The following CCSER1 variants were observed in gnomAD, a reference collection of about 807,000 sequenced individuals.
CCSER1 encodes the protein serine-rich coiled-coil domain-containing protein 1.
Under a neutral mutation model 82.0 loss-of-function variants are expected in CCSER1, and 41 were observed. That is an observed-to-expected ratio of 0.50 (90% CI 0.39 to 0.65). CCSER1 has a LOEUF of 0.65. Ranked by LOEUF, CCSER1 falls within the 30% of genes least tolerant of loss-of-function variation. The pLI is 0.00. For synonymous variants in CCSER1, 414 were observed against 383.9 expected, an observed-to-expected ratio of 1.08 and a Z score of -0.92; for missense variants, 1,119 against 1,064.2, an observed-to-expected ratio of 1.05 and a Z score of -0.72.
intron 7 of CCSER1, among the ~76,000 whole-genome samples, chr4:90,731,510 T>A: frequency 6.6e-6 from 1 of 152,164 alleles, no homozygotes; most frequent in East Asian, 1.9e-4. Flanking sequence ...ATAATTATGG[T>A]TTAGAAATAT....
intron 1 of CCSER1, among the ~76,000 whole-genome samples, chr4:90,169,406 A>C (rs1319228234): frequency 6.6e-6 from 1 of 152,088 alleles, no homozygotes; most frequent in Non-Finnish European, 1.5e-5. Flanking sequence ...TAGGTATACA[A>C]TCATGTCATC....
At chr4:90,326,987 G>A (rs1247211501) in intron 3 of CCSER1, among the ~76,000 whole-genome samples, 1 of 152,124 alleles carries the variant, frequency 6.6e-6, no homozygotes, top group Non-Finnish European at 1.5e-5. Flanking sequence ...TTTTTCATAA[G>A]CAATTCAGAC....
intron 8 of CCSER1, among the ~76,000 whole-genome samples, chr4:90,902,828 C>A (rs1438954245): frequency 4.6e-5 from 7 of 151,882 alleles, no homozygotes; most frequent in Non-Finnish European, 1.0e-4. Flanking sequence ...AAGCACCTGC[C>A]CTGACCAAGT....
At chr4:91,531,848 C>A (rs1367919083) in intron 10 of CCSER1, among the ~76,000 whole-genome samples, 1 of 152,136 alleles carries the variant, frequency 6.6e-6, no homozygotes, top group Non-Finnish European at 1.5e-5. Context: ...TCTTTAATGA[C>A]CCACCTCTTA....
At chr4:90,773,513 A>T (rs535009749) in intron 7 of CCSER1, among the ~76,000 whole-genome samples, 21 of 152,084 alleles carry the variant, frequency 1.4e-4, no homozygotes, top group Non-Finnish European at 2.4e-4. Flanking sequence ...TAGGTTTGTG[A>T]TTATTTTGTT....
intron 10 of CCSER1, among the ~76,000 whole-genome samples, chr4:91,259,482 T>C (rs910579006): frequency 6.6e-6 from 1 of 152,126 alleles, no homozygotes; most frequent in Non-Finnish European, 1.5e-5. Flanking sequence ...GGGGTACATG[T>C]GCAGAACATG....
chr4:90,134,318 A>G (rs919913409), intron 1 of CCSER1, among the ~76,000 whole-genome samples: 1 of 152,154 alleles, frequency 6.6e-6, no homozygotes, highest in African/African-American at 2.4e-5. Flanking sequence ...CCCAGCAGCA[A>G]TATCTGTGTA....
chr4:91,599,236 G>A lies in CCSER1; in HGVS notation c.*179G>A, dbSNP rs1764724825. 1.4e-6 allele frequency: 1 copy of A among 706,498 alleles called. No individual in the cohort carries two copies. The highest frequency in any genetic ancestry group is 2.8e-5 in the East Asian group (1 of 35,260). 43.8% of individuals were successfully genotyped at this position (706,498 alleles called of 1,614,324 possible). On this transcript the variant is annotated 3_prime_UTR_variant, in exon 11 of 11. Coordinates refer to ENST00000509176, the MANE Select transcript of CCSER1 (RefSeq NM_001145065.2). Reference sequence around the variant, plus strand: ...TTGTGGGTTTTTTTTTTCCAAGAGTGAAAGTTTGAGCATGTTAATTGAACT... The same window carrying A: ...TTGTGGGTTTTTTTTTTCCAAGAGTAAAAGTTTGAGCATGTTAATTGAACT...
chr4:91,389,661 C>T (rs1045797318), intron 10 of CCSER1, among the ~76,000 whole-genome samples: 2 of 151,754 alleles, frequency 1.3e-5, no homozygotes, highest in Non-Finnish European at 2.9e-5. Context: ...ATCTGTAGTT[C>T]AGGTTAATAA....
intron 4 of CCSER1, among the ~76,000 whole-genome samples, chr4:90,403,307 G>T (rs994947915): frequency 7.3e-5 from 11 of 151,212 alleles, no homozygotes; most frequent in East Asian, 3.9e-4. Context: ...AGACCATCCC[G>T]GCTAAAACGG....
intron 10 of CCSER1, among the ~76,000 whole-genome samples, chr4:91,570,206 C>T (rs1236568394): frequency 1.3e-5 from 2 of 152,154 alleles, no homozygotes; most frequent in Non-Finnish European, 2.9e-5. Flanking sequence ...CAGGGTCTAG[C>T]CCCAGTTCTG....
intron 10 of CCSER1, among the ~76,000 whole-genome samples, chr4:91,331,948 A>G (rs1192832649): frequency 3.9e-5 from 6 of 152,146 alleles, no homozygotes; most frequent in Admixed American, 3.9e-4. Context: ...TTTCATCACC[A>G]TCAAAATTAG....
At chr4:90,177,852 A>G (rs767526469) in intron 1 of CCSER1, among the ~76,000 whole-genome samples, 16 of 152,142 alleles carry the variant, frequency 1.1e-4, no homozygotes, top group Non-Finnish European at 2.1e-4. Flanking sequence ...GGCCTGCTTT[A>G]TTTACATGTT....
intron 6 of CCSER1, among the ~76,000 whole-genome samples, chr4:90,714,463 A>G (rs765137394): frequency 1.6e-4 from 24 of 151,760 alleles, no homozygotes; most frequent in Non-Finnish European, 2.9e-4. Context: ...AATATTTAAT[A>G]AGATAAATGA....
At chr4:90,403,663 A>G (rs372235958) in intron 4 of CCSER1, among the ~76,000 whole-genome samples, 3 of 152,198 alleles carry the variant, frequency 2.0e-5, no homozygotes, top group South Asian at 2.1e-4. Context: ...TGATATCATT[A>G]TATTCCACTG....
At chr4:90,208,110 C>T (rs868817522) in intron 1 of CCSER1, among the ~76,000 whole-genome samples, 2 of 152,086 alleles carry the variant, frequency 1.3e-5, no homozygotes, top group African/African-American at 4.8e-5. Context: ...CCACCCCTTC[C>T]CCCAGGTGCT....
At chr4:91,272,969 T>A (rs1024768142) in intron 10 of CCSER1, among the ~76,000 whole-genome samples, 7 of 152,152 alleles carry the variant, frequency 4.6e-5, no homozygotes, top group Admixed American at 4.6e-4. Flanking sequence ...TATTTTTATA[T>A]CAGTATCATG....
chr4:91,551,136 C>T (rs1023826246), intron 10 of CCSER1, among the ~76,000 whole-genome samples: 1 of 151,684 alleles, frequency 6.6e-6, no homozygotes, highest in Non-Finnish European at 1.5e-5. Context: ...TTTAGGGAAG[C>T]AATAAGTAAA....
chr4:91,404,041 T>G (rs1448841816), intron 10 of CCSER1, among the ~76,000 whole-genome samples: 1 of 152,136 alleles, frequency 6.6e-6, no homozygotes, highest in Non-Finnish European at 1.5e-5. Flanking sequence ...TTTTTTTGGT[T>G]GGTAGGCTAT....
Sources: allele counts gnomAD v4.1 joint callset (sites outside exome capture counted in the v4.1 genomes callset), GRCh38; gene constraint gnomAD v4.1.1; transcripts MANE v1.5; gene names NCBI Gene and HGNC (gene_info 2026-07-23, HGNC 2026-07-21).